The following RBM17 variants were observed in gnomAD, a reference collection of about 807,000 sequenced individuals.
RBM17 encodes RNA binding motif protein 17.
Under a neutral mutation model 53.2 loss-of-function variants are expected in RBM17, and 7 were observed. The ratio of observed to expected loss-of-function variants is 0.13; its 90% confidence interval spans 0.07 to 0.25. The LOEUF is 0.25. Ranked by LOEUF, RBM17 falls within the 10% of genes least tolerant of loss-of-function variation. The probability of loss-of-function intolerance (pLI) is 1.00; values close to 1 mark genes in which losing one functional copy is unlikely to be tolerated. For missense variants in RBM17, 257 were observed against 496.7 expected, an observed-to-expected ratio of 0.52 and a Z score of 4.59; for synonymous variants, 167 against 178.1, an observed-to-expected ratio of 0.94 and a Z score of 0.50.
At chr10:6,110,640 G>C (rs1313038730) in intron 7 of RBM17, among the ~76,000 whole-genome samples, 1 of 152,176 alleles carries the variant, frequency 6.6e-6, no homozygotes, top group Non-Finnish European at 1.5e-5. Context: ...TTTTTAAACT[G>C]TGCTGGGCTT....
chr10:6,100,278 A>G (rs1013029193), intron 2 of RBM17, among the ~76,000 whole-genome samples: 10 of 152,242 alleles, frequency 6.6e-5, no homozygotes, highest in African/African-American at 2.4e-4. Context: ...TTTCTAATCA[A>G]AAGATCTAAT....
chr10:6,091,013 T>TTATATATTTA (rs371047214), intron 1 of RBM17, among the ~76,000 whole-genome samples: 61,228 of 113,310 alleles, frequency 0.54, 14,161 homozygotes, highest in Non-Finnish European at 0.61. Context: ...ATATAAATAT[T>TTATATATTTA]TATATATTTA....
intron 10 of RBM17, 85 bp downstream of exon 10, chr10:6,114,232 C>A: frequency 1.3e-6 from 1 of 745,830 alleles, no homozygotes; most frequent in Non-Finnish European, 2.3e-6. Flanking sequence ...ACAGGGTATG[C>A]TATAAGTAAC....
chr10:6,097,976 G>A (rs1214310373), intron 2 of RBM17, among the ~76,000 whole-genome samples: 4 of 152,338 alleles, frequency 2.6e-5, no homozygotes, highest in Non-Finnish European at 5.9e-5. Flanking sequence ...TTGTGAAGGC[G>A]TCAGGCATAG....
chr10:6,112,534 C>T lies in RBM17; in HGVS notation c.856+173C>T. On this transcript the variant is annotated intron_variant, in intron 8 of 11. Coordinates refer to ENST00000379888, the MANE Select transcript of RBM17 (RefSeq NM_032905.5). The surrounding 1 kb of genome is among the most constrained non-coding windows in gnomAD (Gnocchi z 4.4). ...CAGGCCGTCCTGTTCATATGATGCA[C>T]TGCCACTTCCGTTTTGTGAAACCAG... is the stretch of plus-strand genomic sequence containing the variant. 1.4e-6 allele frequency: 1 copy of T among 695,736 alleles called. No individual in the cohort carries two copies. Among genetic ancestry groups the T allele is most frequent in the Non-Finnish European group, 2.5e-6 (1 of 402,642 alleles). 43.1% of individuals were successfully genotyped at this position (695,736 alleles called of 1,614,324 possible).
chr10:6,098,310 C>T (rs1840609001), intron 2 of RBM17, among the ~76,000 whole-genome samples: 1 of 152,042 alleles, frequency 6.6e-6, no homozygotes, highest in African/African-American at 2.4e-5. Flanking sequence ...GTCAAAGGCT[C>T]CTTGCTGGGG....
intron 1 of RBM17, among the ~76,000 whole-genome samples, chr10:6,095,381 T>G (rs925133352): frequency 6.6e-6 from 1 of 152,020 alleles, no homozygotes; most frequent in African/African-American, 2.4e-5. Flanking sequence ...CCCAGCTAAT[T>G]TTTGTATTTT....
chr10:6,095,461 A>T (rs569233616), intron 1 of RBM17, among the ~76,000 whole-genome samples: 2 of 152,076 alleles, frequency 1.3e-5, no homozygotes, highest in African/African-American at 4.8e-5. Context: ...TGATCCGCCC[A>T]CCTATGCCTC....
intron 2 of RBM17, among the ~76,000 whole-genome samples, chr10:6,097,859 T>G (rs59330649): frequency 0.034 from 5,142 of 152,236 alleles, 184 homozygotes; most frequent in African/African-American, 0.091. Flanking sequence ...AATTTTTAAG[T>G]AGCATTCCTA....
In RBM17 at chr10:6,106,198, TGATGAA is replaced by T; in HGVS notation, c.475_480del (p.Glu159_Asp160del). On this transcript the variant is annotated inframe_deletion, in exon 5 of 12. Coordinates refer to ENST00000379888, the MANE Select transcript of RBM17 (RefSeq NM_032905.5). ...TTGCAAGGAGACCAGATCCAGATTC[TGATGAA>T]GATGAAGATTATGAGCGAGAGAGGA... is the stretch of plus-strand genomic sequence containing the variant. The T allele has an allele frequency of 6.2e-7, 1 of 1,613,708 alleles. No homozygotes were observed. The highest frequency in any genetic ancestry group is 8.5e-7 in the Non-Finnish European group (1 of 1,179,640).
At chr10:6,106,061 G>C (rs1280507151) in intron 4 of RBM17, 80 bp from the exon 5 acceptor site, 2 of 928,318 alleles carry the variant, frequency 2.2e-6, no homozygotes, top group African/African-American at 3.3e-5. Context: ...GATATCTTCT[G>C]GTCAAGAGGA....
intron 10 of RBM17, 129 bp from the exon 11 acceptor site, chr10:6,115,110 G>C: frequency 1.4e-6 from 1 of 710,260 alleles, no homozygotes; most frequent in South Asian, 2.0e-5. Context: ...TATTTCCTTG[G>C]TATTTGACAA....
chr10:6,099,848 A>G lies in RBM17; in HGVS notation c.124-1423A>G, dbSNP rs539249212. On this transcript the variant is annotated intron_variant, in intron 2 of 11. Transcript: ENST00000379888. ...CAAGGCGGGTGGATCACCTGAGGTCAGGAGTTTGAGACCAGCCTGACCAAC... is the reference window on the plus strand; with the variant it reads ...CAAGGCGGGTGGATCACCTGAGGTCGGGAGTTTGAGACCAGCCTGACCAAC... Among the ~76,000 whole-genome samples, 4 of 152,284 alleles carry G rather than the reference A, an allele frequency of 2.6e-5. No homozygotes were observed. In the South Asian group the frequency reaches 8.3e-4, roughly 32 times the overall value.
chr10:6,105,050 G>A lies in RBM17; in HGVS notation c.360G>A (p.Gln120=). The A allele has an allele frequency of 1.9e-6, 3 of 1,614,078 alleles. No homozygotes were observed. The highest frequency in any genetic ancestry group is 2.5e-6 in the Non-Finnish European group (3 of 1,179,920). Residue 120 remains glutamine (Q), a synonymous_variant, in exon 4 of 12, where the codon CAG becomes CAA. Coordinates refer to ENST00000379888, the MANE Select transcript of RBM17 (RefSeq NM_032905.5). ...TGAAGCGCCAAAGAGAGGAACGACAGAGACAGCGGGAGCTGGAAAGACAAA... is the reference window on the plus strand; with the variant it reads ...TGAAGCGCCAAAGAGAGGAACGACAAAGACAGCGGGAGCTGGAAAGACAAA... ...KVVKRQREER[Q]RQRELERQKE...
chr10:6,104,765 T>A (rs922206080), intron 3 of RBM17, among the ~76,000 whole-genome samples, 166 bp from the exon 4 acceptor site: 1 of 152,250 alleles, frequency 6.6e-6, no homozygotes, highest in Admixed American at 6.5e-5. Flanking sequence ...ACCACCTGAC[T>A]AGGCACGTGG....
intron 2 of RBM17, among the ~76,000 whole-genome samples, chr10:6,099,800 G>A (rs1310043758): frequency 6.6e-6 from 1 of 152,186 alleles, no homozygotes; most frequent in Non-Finnish European, 1.5e-5. Context: ...GCTCACACCT[G>A]TAATCCCAGC....
At chr10:6,108,609 G>A (rs1840790444) in intron 5 of RBM17, 77 bp from the exon 6 acceptor site, 1 of 1,169,816 alleles carries the variant, frequency 8.5e-7, no homozygotes, top group South Asian at 1.3e-5. Flanking sequence ...GTGGGTGATA[G>A]ATATATGGTG....
In RBM17 at chr10:6,116,635, G is replaced by A. The variant is rs1840922825; in HGVS notation, c.*1079G>A. 2 of 152,314 alleles carry A rather than the reference G, an allele frequency of 1.3e-5. No individual in the cohort carries two copies. Among genetic ancestry groups the A allele is most frequent in the South Asian group, 4.1e-4 (2 of 4,832 alleles). The allele number at this position is 152,314 out of a possible 1,614,324, so 9.4% of individuals were successfully genotyped here. ...TTCCTTGCTTTCCCAAATACTGCATGTGACTTTCCTAAGCGGCAGCTGAAA... is the reference window on the plus strand; with the variant it reads ...TTCCTTGCTTTCCCAAATACTGCATATGACTTTCCTAAGCGGCAGCTGAAA... On this transcript the variant is annotated 3_prime_UTR_variant, in exon 12 of 12. Transcript: ENST00000379888.
At chr10:6,092,715 A>G (rs1483720942) in intron 1 of RBM17, among the ~76,000 whole-genome samples, 1 of 152,284 alleles carries the variant, frequency 6.6e-6, no homozygotes, top group East Asian at 1.9e-4. Flanking sequence ...AGTGAAAATG[A>G]GAAAAACGAA....
Sources: allele counts gnomAD v4.1 joint callset (sites outside exome capture counted in the v4.1 genomes callset), GRCh38; gene constraint gnomAD v4.1.1; non-coding constraint Gnocchi (gnomAD v3.1); transcripts MANE v1.5; gene names NCBI Gene and HGNC (gene_info 2026-07-23, HGNC 2026-07-21).